NRG1: variants seen among roughly 807,000 people sequenced by gnomAD.
NRG1 encodes the protein pro-neuregulin-1, membrane-bound isoform.
A neutral mutation model predicts 63.8 loss-of-function variants in NRG1; 18 were observed. The observed-to-expected ratio is 0.28, with a 90% CI of 0.19 to 0.42. The LOEUF is 0.42. Ranked by LOEUF, NRG1 falls within the 10% of genes least tolerant of loss-of-function variation. NRG1 has a pLI of 1.00. For missense variants in NRG1, 762 were observed against 814.7 expected, an observed-to-expected ratio of 0.94 and a Z score of 0.79; for synonymous variants, 302 against 301.3, an observed-to-expected ratio of 1.00 and a Z score of -0.02.
chr8:31,790,716 C>T (rs1303387300), intron 1 of NRG1, among the ~76,000 whole-genome samples: 2 of 152,096 alleles, frequency 1.3e-5, no homozygotes, highest in Non-Finnish European at 1.5e-5. Context: ...CAATACTCCC[C>T]ACTGCTTAAA....
chr8:32,279,508 A>G (rs1461452299), intron 1 of NRG1, among the ~76,000 whole-genome samples: 1 of 152,124 alleles, frequency 6.6e-6, no homozygotes, highest in Non-Finnish European at 1.5e-5. Flanking sequence ...ACGTGCCACC[A>G]CATCCAGCTG....
rs563924841 is a variant in NRG1 at position 31,909,767 on chromosome 8, T to G, written c.37+270336T>G. ...TGGTGAAACTTTTCAAAAGAATGTT[T>G]CCTATCAAGCGGTGCGTTGTACATG... On this transcript the variant is annotated intron_variant, in intron 1 of 10. Coordinates refer to the NRG1 transcript ENST00000519301. Among the ~76,000 whole-genome samples the G allele has an allele frequency of 3.1e-4, 47 of 152,264 alleles. No individual in the cohort carries two copies. In the South Asian group the frequency reaches 9.5e-3, roughly 31 times the overall value.
intron 5 of NRG1, among the ~76,000 whole-genome samples, chr8:32,626,362 T>G (rs988945198): frequency 1.2e-4 from 18 of 152,118 alleles, no homozygotes; most frequent in East Asian, 3.9e-4. Flanking sequence ...ATTAAGTTTT[T>G]TTTTTTTTTT....
rs181607970 is a variant in NRG1, at chr8:31,978,660, C to A, written c.37+339229C>A. ...CCAAAGAGTCATAGTGGATATTTCC[C>A]TCAATCTAAAAATAAGGGAAAATAC... On this transcript the variant is annotated intron_variant, in intron 1 of 10. Coordinates refer to the NRG1 transcript ENST00000519301. 3.8e-3 allele frequency among the ~76,000 whole-genome samples: 583 copies of A among 152,090 alleles called. 1 individual carries two copies. The highest frequency in any genetic ancestry group is 6.9e-3 in the Non-Finnish European group (472 of 67,956).
At chr8:32,393,392 C>T (rs1397404983) in intron 1 of NRG1, among the ~76,000 whole-genome samples, 1 of 152,104 alleles carries the variant, frequency 6.6e-6, no homozygotes, top group East Asian at 1.9e-4. Flanking sequence ...GGGTATATAT[C>T]CAAAGGAATA....
chr8:32,637,165 C>A (rs1249000138), intron 5 of NRG1, among the ~76,000 whole-genome samples: 2 of 152,138 alleles, frequency 1.3e-5, no homozygotes, highest in Non-Finnish European at 1.5e-5. Flanking sequence ...CTTATGCCCA[C>A]TACCAAGATT....
chr8:32,705,307 AT>A (rs1261677472), intron 5 of NRG1, among the ~76,000 whole-genome samples: 1 of 151,736 alleles, frequency 6.6e-6, no homozygotes, highest in East Asian at 1.9e-4. Context: ...AATTTTTTGT[AT>A]TTTTAGTAGA....
At chr8:32,721,482 G>T (rs1367920039) in intron 5 of NRG1, among the ~76,000 whole-genome samples, 1 of 152,042 alleles carries the variant, frequency 6.6e-6, no homozygotes, top group Non-Finnish European at 1.5e-5. Flanking sequence ...GAAAGTCCTA[G>T]TTCCATTAAC....
chr8:31,647,198 C>G (rs1804372080), intron 1 of NRG1, among the ~76,000 whole-genome samples: 1 of 152,216 alleles, frequency 6.6e-6, no homozygotes, highest in African/African-American at 2.4e-5. Flanking sequence ...GTAAGTGATA[C>G]TTTATGTTGA....
chr8:32,757,698 T>A (rs1036521795), intron 9 of NRG1, among the ~76,000 whole-genome samples: 6 of 152,260 alleles, frequency 3.9e-5, no homozygotes, highest in African/African-American at 9.6e-5. Context: ...CTGCCTAGAT[T>A]ACATTTACTG....
chr8:31,768,547 G>A (rs765466932), intron 1 of NRG1, among the ~76,000 whole-genome samples: 5 of 152,182 alleles, frequency 3.3e-5, no homozygotes, highest in Non-Finnish European at 5.9e-5. Flanking sequence ...TTACCGAAAA[G>A]AGTAAATCAA....
At chr8:32,079,568 C>T (rs961837673) in intron 1 of NRG1, among the ~76,000 whole-genome samples, 1 of 152,126 alleles carries the variant, frequency 6.6e-6, no homozygotes, top group Non-Finnish European at 1.5e-5. Flanking sequence ...TGTAAATGTT[C>T]TTTAAAAATG....
At chr8:32,033,091 A>ATTTT (rs898802902) in intron 1 of NRG1, among the ~76,000 whole-genome samples, 4 of 111,606 alleles carry the variant, frequency 3.6e-5, no homozygotes, top group South Asian at 2.8e-4. Context: ...TGTGCAGTCT[A>ATTTT]TTTTTTTTTT....
chr8:31,785,067 C>G (rs766759255), intron 1 of NRG1, among the ~76,000 whole-genome samples: 1 of 152,062 alleles, frequency 6.6e-6, no homozygotes, highest in Non-Finnish European at 1.5e-5. Context: ...GAAGGCTTTT[C>G]GTGGACTTTT....
At chr8:32,758,794 A>T (rs1589631651) in intron 9 of NRG1, among the ~76,000 whole-genome samples, 1 of 152,120 alleles carries the variant, frequency 6.6e-6, no homozygotes, top group African/African-American at 2.4e-5. Context: ...TAGTAGGGCA[A>T]CATGGGCACT....
At chr8:32,385,031 GT>G (rs1377472443) in intron 1 of NRG1, among the ~76,000 whole-genome samples, 1 of 152,120 alleles carries the variant, frequency 6.6e-6, no homozygotes, top group African/African-American at 2.4e-5. Context: ...TCTCTCTCTT[GT>G]TTTTTGAGAC....
In NRG1 at chr8:31,640,248, C is replaced by A; in HGVS notation, c.37+817C>A. On this transcript the variant is annotated intron_variant, in intron 1 of 10. Coordinates refer to the NRG1 transcript ENST00000519301. The surrounding 1 kb of genome is among the most constrained non-coding windows in gnomAD (Gnocchi z 6.3). ...CGGTGGTGATCGAGGGAAAGGTGCA[C>A]CCGCAGCGGCGGCAGCAGGGGGCAC... The A allele has an allele frequency of 8.7e-7, 1 of 1,147,612 alleles. No individual in the cohort carries two copies. The highest frequency in any genetic ancestry group is 1.1e-6 in the Non-Finnish European group (1 of 934,018). 71.1% of individuals were successfully genotyped at this position (1,147,612 alleles called of 1,614,324 possible). A position where few individuals can be genotyped will look rare whatever the true frequency, so the allele number is the denominator to read the frequency against.
chr8:32,379,775 C>G (rs1002392675), intron 1 of NRG1, among the ~76,000 whole-genome samples: 1 of 152,158 alleles, frequency 6.6e-6, no homozygotes, highest in Non-Finnish European at 1.5e-5. Context: ...TTGGCAGAGC[C>G]AGAACTTGAA....
At chr8:31,885,790 T>C (rs1167226179) in intron 1 of NRG1, among the ~76,000 whole-genome samples, 1 of 152,096 alleles carries the variant, frequency 6.6e-6, no homozygotes, top group Non-Finnish European at 1.5e-5. Flanking sequence ...TTGCAGTGTA[T>C]TAGAAGAAAT....
Sources: allele counts gnomAD v4.1 joint callset (sites outside exome capture counted in the v4.1 genomes callset), GRCh38; gene constraint gnomAD v4.1.1; non-coding constraint Gnocchi (gnomAD v3.1); transcripts MANE v1.5; gene names NCBI Gene and HGNC (gene_info 2026-07-23, HGNC 2026-07-21).